Variants in NOTO observed in about 807,000 individuals in gnomAD.
NOTO encodes the protein homeobox protein notochord.
NOTO carries 19 observed loss-of-function variants against 20.5 expected under a neutral mutation model. The observed-to-expected ratio is 0.93, with a 90% CI of 0.65 to 1.36. The LOEUF is 1.36. Among genes scored for constraint, NOTO ranks in the 40% most tolerant of loss-of-function variants. The probability of loss-of-function intolerance (pLI) is 0.00; values close to 1 mark genes in which losing one functional copy is unlikely to be tolerated. For synonymous variants in NOTO, 150 were observed against 150.2 expected, an observed-to-expected ratio of 1.00 and a Z score of 0.01; for missense variants, 369 against 336.2, an observed-to-expected ratio of 1.10 and a Z score of -0.76.
At chr2:73,203,322 CAGG>C (rs1305398819) in intron 1 of NOTO, among the ~76,000 whole-genome samples, 1 of 152,188 alleles carries the variant, frequency 6.6e-6, no homozygotes, top group Non-Finnish European at 1.5e-5. Context: ...ATGCGGTGGG[CAGG>C]AGGCCAGCGC....
intron 1 of NOTO, among the ~76,000 whole-genome samples, chr2:73,208,118 G>A (rs1017270447): frequency 1.3e-5 from 2 of 152,240 alleles, no homozygotes; most frequent in African/African-American, 4.8e-5. Context: ...GAGAAGGGAG[G>A]TTTGGCAACT....
chr2:73,209,067 T>C (rs999379463), intron 2 of NOTO, among the ~76,000 whole-genome samples: 3 of 149,882 alleles, frequency 2.0e-5, no homozygotes, highest in Non-Finnish European at 4.4e-5. Context: ...CCCAGCTACT[T>C]AGGAGGCCGA....
At chr2:73,205,968 C>T (rs1686083586) in intron 1 of NOTO, among the ~76,000 whole-genome samples, 2 of 152,142 alleles carry the variant, frequency 1.3e-5, no homozygotes, top group Admixed American at 6.5e-5. Flanking sequence ...AACTCCTGGG[C>T]TCAAGTGATC....
At chr2:73,210,272 A>G (rs1686160662) in intron 2 of NOTO, among the ~76,000 whole-genome samples, 1 of 151,510 alleles carries the variant, frequency 6.6e-6, no homozygotes, top group African/African-American at 2.4e-5. Context: ...GTCCTCAAAC[A>G]CTCCAAGCTT....
rs558733765 is a variant in NOTO, at chr2:73,204,318, C to G, written c.382+1270C>G. On this transcript the variant is annotated intron_variant, in intron 1 of 2. Coordinates refer to ENST00000398468, the MANE Select transcript of NOTO (RefSeq NM_001134462.2). The stretch of plus-strand genomic sequence containing the variant: ...CAAAAAAAAGTAACTATAGAGGGAA[C>G]TTTGCCTTCTAGCATTAAACATCCA... Among the ~76,000 whole-genome samples, 9 of 152,228 alleles carry G rather than the reference C, an allele frequency of 5.9e-5. No homozygotes were observed. The South Asian group carries it at 1.7e-3, about 28-fold the overall frequency.
rs1243462511 is a variant in NOTO at position 73,211,937 on chromosome 2, C to G, written c.*1008C>G. ...TTCATAATATCACAGCTCCCCTCAC[C>G]TGGGGGAGTAATACCTGTACCAGCA... On this transcript the variant is annotated 3_prime_UTR_variant, in exon 3 of 3. Coordinates refer to ENST00000398468, the MANE Select transcript of NOTO (RefSeq NM_001134462.2). 1 of 152,152 alleles carries G rather than the reference C, an allele frequency of 6.6e-6. No homozygotes were observed. The highest frequency in any genetic ancestry group is 1.5e-5 in the Non-Finnish European group (1 of 68,036). The allele number at this position is 152,152 out of a possible 1,614,324, so 9.4% of individuals were successfully genotyped here.
intron 2 of NOTO, among the ~76,000 whole-genome samples, chr2:73,210,161 A>T (rs1031113189): frequency 6.6e-6 from 1 of 152,092 alleles, no homozygotes; most frequent in South Asian, 2.1e-4. Flanking sequence ...TTCCTTATCT[A>T]TGGCCTTCCA....
rs1386634061 is a variant in NOTO at position 73,204,160 on chromosome 2, C to T, written c.382+1112C>T. Reference sequence around the variant, plus strand: ...GGGCGTGGTGGCGCGCGCTTGTAATCCCAGCTACTCAGGAGGCTAAAGCAG... The same window carrying T: ...GGGCGTGGTGGCGCGCGCTTGTAATTCCAGCTACTCAGGAGGCTAAAGCAG... On this transcript the variant is annotated intron_variant, in intron 1 of 2. Coordinates refer to ENST00000398468, the MANE Select transcript of NOTO (RefSeq NM_001134462.2). Among the ~76,000 whole-genome samples the T allele has an allele frequency of 2.7e-5, 4 of 150,126 alleles. 1 individual carries two copies. Among genetic ancestry groups the T allele is most frequent in the Admixed American group, 6.7e-5 (1 of 15,004 alleles).
At position 73,210,884 on chromosome 2, in the gene NOTO, C is replaced by T. The variant is rs758513290; in HGVS notation, c.711C>T (p.Ile237=). The change falls in exon 3 of 3, where the codon ATC becomes ATT. Residue 237 remains isoleucine (I), a synonymous_variant. Coordinates refer to ENST00000398468, the MANE Select transcript of NOTO (RefSeq NM_001134462.2). ...TGGATGAGCCTTCCAGCAGCTCCATCGCCAGTATCCAGAGTGATGATGCCG... is the reference window on the plus strand; with the variant it reads ...TGGATGAGCCTTCCAGCAGCTCCATTGCCAGTATCCAGAGTGATGATGCCG... The part of the protein sequence containing the change: ...ASLDEPSSSS[I]ASIQSDDAES... 42 of 1,551,530 alleles carry T rather than the reference C, an allele frequency of 2.7e-5. No homozygotes were observed. Among genetic ancestry groups the T allele is most frequent in the South Asian group, 1.2e-4 (10 of 84,056 alleles).
intron 1 of NOTO, among the ~76,000 whole-genome samples, chr2:73,203,336 T>G (rs543971935): frequency 6.6e-6 from 1 of 152,152 alleles, no homozygotes; most frequent in Admixed American, 6.5e-5. Flanking sequence ...AGGCCAGCGC[T>G]GGGGCTGCAA....
At chr2:73,206,749 G>T (rs972419588) in intron 1 of NOTO, among the ~76,000 whole-genome samples, 1 of 149,680 alleles carries the variant, frequency 6.7e-6, no homozygotes, top group African/African-American at 2.5e-5. Context: ...AGGTCCTCTG[G>T]CTGGTAATTG....
chr2:73,211,163 C>T lies in NOTO; in HGVS notation c.*234C>T. 2.1e-6 allele frequency: 1 copy of T among 482,644 alleles called. No homozygotes were observed. Among genetic ancestry groups the T allele is most frequent in the Non-Finnish European group, 3.7e-6 (1 of 271,886 alleles). 29.9% of individuals were successfully genotyped at this position (482,644 alleles called of 1,614,324 possible). On this transcript the variant is annotated 3_prime_UTR_variant, in exon 3 of 3. Coordinates refer to ENST00000398468, the MANE Select transcript of NOTO (RefSeq NM_001134462.2). ...TTGGCCAACCTATGGAACTTCCGAG[C>T]CTTTTTTCTTTATCTGTATAATGGG...
intron 2 of NOTO, among the ~76,000 whole-genome samples, chr2:73,209,963 C>G (rs927823797): frequency 4.6e-5 from 7 of 152,174 alleles, no homozygotes; most frequent in African/African-American, 1.7e-4. Context: ...CAAAATACAG[C>G]TGGAGTGGCT....
At chr2:73,208,880 C>A (rs1320014481) in intron 2 of NOTO, among the ~76,000 whole-genome samples, 2 of 152,000 alleles carry the variant, frequency 1.3e-5, no homozygotes, top group Non-Finnish European at 2.9e-5. Context: ...TAAATAAGGA[C>A]CTGCCAGTAA....
At chr2:73,204,887 A>AT (rs56302001) in intron 1 of NOTO, among the ~76,000 whole-genome samples, 1,535 of 104,858 alleles carry the variant, frequency 0.015, 36 homozygotes, top group Non-Finnish European at 0.019. Context: ...TTATTTTTTT[A>AT]TTTTTTTTTT....
chr2:73,204,266 A>C (rs1403943366), intron 1 of NOTO, among the ~76,000 whole-genome samples: 1 of 152,214 alleles, frequency 6.6e-6, no homozygotes, highest in African/African-American at 2.4e-5. Flanking sequence ...CAACAGAGTG[A>C]GACTCCGTCT....
chr2:73,211,938 TGGGGGAG>T lies in NOTO; in HGVS notation c.*1010_*1016del, dbSNP rs1686190526. The T allele has an allele frequency of 6.6e-6, 1 of 152,130 alleles. No homozygotes were observed. Among genetic ancestry groups the T allele is most frequent in the Non-Finnish European group, 1.5e-5 (1 of 68,030 alleles). 9.4% of individuals were successfully genotyped at this position (152,130 alleles called of 1,614,324 possible). A position where few individuals can be genotyped will look rare whatever the true frequency, so the allele number is the denominator to read the frequency against. On this transcript the variant is annotated 3_prime_UTR_variant, in exon 3 of 3. Coordinates refer to ENST00000398468, the MANE Select transcript of NOTO (RefSeq NM_001134462.2). ...TCATAATATCACAGCTCCCCTCACC[TGGGGGAG>T]TAATACCTGTACCAGCAATTAATAT...
rs757239302 is a variant in NOTO at position 73,208,490 on chromosome 2, G to C, written c.473G>C (p.Arg158Thr). The change falls in exon 2 of 3, where the codon AGA becomes ACA. Residue 158 changes from arginine (R) to threonine (T), a missense_variant. By Grantham distance (71) the Arg-to-Thr change is moderately conservative. Transcript: ENST00000398468. Reference protein sequence around the residue: ...DLQDTERQQKRVRTMFNLEQL... With the variant: ...DLQDTERQQKTVRTMFNLEQL... The stretch of plus-strand genomic sequence containing the variant: ...CAGGACACTGAGAGACAGCAAAAGA[G>C]AGTCCGAACTATGTTTAACTTGGAG... 1.3e-6 allele frequency: 2 copies of C among 1,551,634 alleles called. No individual in the cohort carries two copies. Among genetic ancestry groups the C allele is most frequent in the South Asian group, 2.4e-5 (2 of 84,062 alleles).
In NOTO at chr2:73,202,769, G is replaced by T; in HGVS notation, c.103G>T (p.Gly35Cys). The change falls in exon 1 of 3, where the codon GGC (glycine) becomes TGC (cysteine). Residue 35 changes from glycine to cysteine, a missense_variant. Physicochemically the swap from Gly to Cys is radical, Grantham distance 159. Transcript: ENST00000398468. Reference protein sequence around the residue: ...GRSPAPRSPTGPNTPRAPGRF... With the variant: ...GRSPAPRSPTCPNTPRAPGRF... ...CTCTCCGGCGCCCAGGTCCCCTACT[G>T]GCCCGAACACGCCCCGCGCTCCCGG... is the stretch of plus-strand genomic sequence containing the variant. 6.6e-7 allele frequency: 1 copy of T among 1,524,350 alleles called. No individual in the cohort carries two copies. Among genetic ancestry groups the T allele is most frequent in the Non-Finnish European group, 8.8e-7 (1 of 1,141,828 alleles). 94.4% of individuals were successfully genotyped at this position (1,524,350 alleles called of 1,614,324 possible).
Sources: allele counts gnomAD v4.1 joint callset (sites outside exome capture counted in the v4.1 genomes callset), GRCh38; gene constraint gnomAD v4.1.1; transcripts MANE v1.5; gene names NCBI Gene and HGNC (gene_info 2026-07-23, HGNC 2026-07-21).